FUT8: variants seen among roughly 807,000 people sequenced by gnomAD.
FUT8 encodes alpha-(1,6)-fucosyltransferase.
FUT8 carries 29 observed loss-of-function variants against 71.3 expected under a neutral mutation model. That is an observed-to-expected ratio of 0.41 (90% CI 0.30 to 0.55). FUT8 has a LOEUF of 0.55. Ranked by LOEUF, FUT8 falls within the 20% of genes least tolerant of loss-of-function variation. FUT8 has a pLI of 0.34. For missense variants in FUT8, 544 were observed against 702.1 expected, an observed-to-expected ratio of 0.77 and a Z score of 2.55; for synonymous variants, 254 against 239.3, an observed-to-expected ratio of 1.06 and a Z score of -0.57.
At chr14:65,679,963 T>A (rs1485062013) in intron 7 of FUT8, among the ~76,000 whole-genome samples, 1 of 152,208 alleles carries the variant, frequency 6.6e-6, no homozygotes, top group Non-Finnish European at 1.5e-5. Context: ...GTGACAGAGT[T>A]AAATGGTTCC....
intron 9 of FUT8, 91 bp downstream of exon 9, chr14:65,724,414 T>A: frequency 1.3e-6 from 1 of 743,912 alleles, no homozygotes; most frequent in African/African-American, 1.8e-5. Flanking sequence ...TTTTTGTATA[T>A]TATTATTGCT....
intron 7 of FUT8, among the ~76,000 whole-genome samples, chr14:65,681,197 T>C (rs1566892895): frequency 1.3e-5 from 2 of 152,236 alleles, no homozygotes; most frequent in Non-Finnish European, 2.9e-5. Context: ...CTAATACTAC[T>C]GGCCAATACT....
At chr14:65,648,997 AT>A in intron 6 of FUT8, among the ~76,000 whole-genome samples, 1 of 152,250 alleles carries the variant, frequency 6.6e-6, no homozygotes, top group East Asian at 1.9e-4. Context: ...ACATGTCATT[AT>A]TTTTACCATT....
rs78227973 is a variant in FUT8, at chr14:65,612,891, C to T, written c.204-3087C>T. ...AAGTGGAAGTCTTATATATCTGTAT[C>T]TTTGGCATGGTGAATGTAAGAAAGC... On this transcript the variant is annotated intron_variant, in intron 3 of 10. Transcript: ENST00000673929. Among the ~76,000 whole-genome samples, 30 of 152,254 alleles carry T rather than the reference C, an allele frequency of 2.0e-4. No individual in the cohort carries two copies. The East Asian group carries it at 5.0e-3, about 25-fold the overall frequency.
chr14:65,706,527 A>G (rs1386650196), intron 7 of FUT8, among the ~76,000 whole-genome samples: 3 of 152,190 alleles, frequency 2.0e-5, no homozygotes, highest in Admixed American at 6.5e-5. Flanking sequence ...ATAACAAAAT[A>G]CTATAAACTG....
intron 2 of FUT8, among the ~76,000 whole-genome samples, chr14:65,482,694 A>G (rs1034689984): frequency 1.3e-5 from 2 of 152,124 alleles, no homozygotes; most frequent in Admixed American, 6.5e-5. Context: ...AATTTTGGCT[A>G]TTGTGCTGGT....
intron 6 of FUT8, among the ~76,000 whole-genome samples, chr14:65,663,632 T>C (rs76139781): frequency 4.3e-4 from 65 of 152,270 alleles, no homozygotes; most frequent in African/African-American, 1.5e-3. Context: ...GATTACCTTA[T>C]ATGTATAGAC....
At chr14:65,454,793 T>A (rs914613999) in intron 1 of FUT8, among the ~76,000 whole-genome samples, 14 of 152,218 alleles carry the variant, frequency 9.2e-5, no homozygotes, top group Admixed American at 2.6e-4. Flanking sequence ...GAACATTTGA[T>A]GTGCGAATCT....
chr14:65,641,793 C>A (rs1424178756), intron 6 of FUT8, among the ~76,000 whole-genome samples: 1 of 143,068 alleles, frequency 7.0e-6, no homozygotes, highest in Non-Finnish European at 1.5e-5. Context: ...TGTTGAATAT[C>A]TTTTCATATG....
intron 5 of FUT8, among the ~76,000 whole-genome samples, chr14:65,623,097 C>G (rs2140245317): frequency 6.6e-6 from 1 of 152,050 alleles, no homozygotes; most frequent in African/African-American, 2.4e-5. Context: ...TGCCATGGTG[C>G]CCAACTCGGT....
chr14:65,525,881 C>T (rs1165758773), intron 2 of FUT8, among the ~76,000 whole-genome samples: 10 of 152,140 alleles, frequency 6.6e-5, no homozygotes, highest in Non-Finnish European at 1.2e-4. Context: ...TTTGAGTGAG[C>T]TTCTTAATCC....
At chr14:65,374,655 T>C in the FUT8 span, among the ~76,000 whole-genome samples, 7 of 151,780 alleles carry the variant, frequency 4.6e-5, no homozygotes, top group East Asian at 1.4e-3. Flanking sequence ...AGTGCAGTGG[T>C]ACAATTTTGG....
chr14:65,612,223 A>G (rs1403514357), intron 3 of FUT8, among the ~76,000 whole-genome samples: 2 of 152,020 alleles, frequency 1.3e-5, no homozygotes, highest in African/African-American at 4.8e-5. Flanking sequence ...ATATTCTTAA[A>G]TTTTGTTCTG....
chr14:65,719,496 G>A (rs1895294516), intron 7 of FUT8, among the ~76,000 whole-genome samples: 1 of 152,022 alleles, frequency 6.6e-6, no homozygotes, highest in South Asian at 2.1e-4. Context: ...TGTTTTCCTG[G>A]ATGGTCTTGA....
At chr14:65,665,478 A>C (rs1375424808) in intron 6 of FUT8, among the ~76,000 whole-genome samples, 1 of 152,180 alleles carries the variant, frequency 6.6e-6, no homozygotes, top group Non-Finnish European at 1.5e-5. Flanking sequence ...AAGAACTTAT[A>C]CACTGCTGGT....
At chr14:65,599,222 A>G (rs913283727) in intron 3 of FUT8, among the ~76,000 whole-genome samples, 5 of 152,254 alleles carry the variant, frequency 3.3e-5, no homozygotes, top group African/African-American at 7.2e-5. Flanking sequence ...AAATATTTTC[A>G]GAATATGGTA....
chr14:65,498,169 C>T (rs552858589), intron 2 of FUT8, among the ~76,000 whole-genome samples: 1 of 152,222 alleles, frequency 6.6e-6, no homozygotes, highest in South Asian at 2.1e-4. Flanking sequence ...CTTTGCCTTC[C>T]TGGGAAGTCT....
chr14:65,395,254 C>T, the FUT8 span, among the ~76,000 whole-genome samples: 9 of 152,308 alleles, frequency 5.9e-5, no homozygotes, highest in South Asian at 6.2e-4. Flanking sequence ...CTGGATCTAC[C>T]GTTCTGGGAT....
chr14:65,552,854 C>G (rs1030074746), intron 2 of FUT8, among the ~76,000 whole-genome samples: 1 of 151,896 alleles, frequency 6.6e-6, no homozygotes, highest in African/African-American at 2.4e-5. Flanking sequence ...GGAATGCCAT[C>G]TGATGTTGGA....
Sources: allele counts gnomAD v4.1 joint callset (sites outside exome capture counted in the v4.1 genomes callset), GRCh38; gene constraint gnomAD v4.1.1; transcripts MANE v1.5; gene names NCBI Gene and HGNC (gene_info 2026-07-23, HGNC 2026-07-21).